FAM184B: variants seen among roughly 807,000 people sequenced by gnomAD.
FAM184B encodes the protein protein FAM184B.
Under a neutral mutation model 135.9 loss-of-function variants are expected in FAM184B, and 111 were observed. The observed-to-expected ratio is 0.82, with a 90% CI of 0.70 to 0.96. The LOEUF (loss-of-function observed/expected upper bound fraction) is 0.96. Ranked by LOEUF, FAM184B falls within the 40% of genes least tolerant of loss-of-function variation. The pLI, the probability that FAM184B is intolerant of heterozygous loss-of-function variation, is 0.00. For synonymous variants in FAM184B, 552 were observed against 524.8 expected (o/e 1.05, Z -0.71); for missense variants, 1,375 against 1,323.9 (o/e 1.04, Z -0.60).
intron 1 of FAM184B, among the ~76,000 whole-genome samples, chr4:17,730,172 A>C (rs921832119): frequency 1.3e-5 from 2 of 152,234 alleles, no homozygotes; most frequent in African/African-American, 4.8e-5. Context: ...TCAGTAATGG[A>C]AGACGAAATG....
intron 5 of FAM184B, among the ~76,000 whole-genome samples, chr4:17,700,344 C>G (rs976420347): frequency 6.6e-6 from 1 of 152,144 alleles, no homozygotes; most frequent in Non-Finnish European, 1.5e-5. Flanking sequence ...CCAAGATACA[C>G]TAACCGTAAA....
chr4:17,762,297 T>C (rs1264885071), intron 1 of FAM184B, among the ~76,000 whole-genome samples: 1 of 152,242 alleles, frequency 6.6e-6, no homozygotes, highest in African/African-American at 2.4e-5. Flanking sequence ...TCAGAAAAGA[T>C]GCTCACAAGA....
At chr4:17,656,567 A>C (rs1715782523) in intron 10 of FAM184B, among the ~76,000 whole-genome samples, 3 of 151,978 alleles carry the variant, frequency 2.0e-5, no homozygotes, top group Admixed American at 2.0e-4. Flanking sequence ...ACACCTGGCT[A>C]ATTTTTGTAT....
chr4:17,641,225 C>T (rs1280917512), intron 13 of FAM184B, among the ~76,000 whole-genome samples: 1 of 152,026 alleles, frequency 6.6e-6, no homozygotes, highest in Non-Finnish European at 1.5e-5. Context: ...TGAGCTACCA[C>T]GCCAGCCGAG....
intron 1 of FAM184B, among the ~76,000 whole-genome samples, chr4:17,744,801 T>A (rs1043954085): frequency 3.3e-5 from 5 of 151,952 alleles, no homozygotes; most frequent in African/African-American, 1.2e-4. Context: ...AGTAAAAAGA[T>A]AATGTCTTTC....
At chr4:17,731,902 A>G (rs1312076078) in intron 1 of FAM184B, among the ~76,000 whole-genome samples, 1 of 152,070 alleles carries the variant, frequency 6.6e-6, no homozygotes, top group Admixed American at 6.6e-5. Flanking sequence ...GCACCACACC[A>G]CACCTATTCC....
At chr4:17,695,764 A>G (rs757733182) in intron 5 of FAM184B, among the ~76,000 whole-genome samples, 41 of 152,178 alleles carry the variant, frequency 2.7e-4, no homozygotes, top group Non-Finnish European at 5.7e-4. Context: ...GCTTGTCTGC[A>G]TGTGTCAAGC....
rs553689303 is a variant in FAM184B at position 17,732,802 on chromosome 4, T to C, written c.142-23158A>G. On this transcript the variant is annotated intron_variant, in intron 1 of 17. Transcript: ENST00000265018. Reference sequence around the variant, plus strand: ...TTCCTTCTGAAACTATTCCAATCAATAGAAAAAGAGGGAATCCTCCCTAAC... The same window carrying C: ...TTCCTTCTGAAACTATTCCAATCAACAGAAAAAGAGGGAATCCTCCCTAAC... Among the ~76,000 whole-genome samples the C allele has an allele frequency of 3.2e-3, 481 of 152,146 alleles. 5 individuals carry two copies. The highest frequency in any genetic ancestry group is 4.4e-3 in the Non-Finnish European group (296 of 67,986).
chr4:17,630,986 C>G lies in FAM184B; in HGVS notation c.*1546G>C, dbSNP rs1332235200. On this transcript the variant is annotated 3_prime_UTR_variant, in exon 18 of 18. Transcript: ENST00000265018. ...GTTTGTGGGCCACCTTCTGGGCCAG[C>G]ACCAAAGACTGAAAAAATATTTTGC... The G allele has an allele frequency of 1.3e-5, 2 of 152,268 alleles. No homozygotes were observed. Among genetic ancestry groups the G allele is most frequent in the Non-Finnish European group, 2.9e-5 (2 of 68,022 alleles). 9.4% of individuals were successfully genotyped at this position (152,268 alleles called of 1,614,324 possible).
Position 17,696,479 on chromosome 4 carries a change from T to C in FAM184B, c.1378-3067A>G, listed in dbSNP as rs555709737. Among the ~76,000 whole-genome samples, 4 of 152,266 alleles carry C rather than the reference T, an allele frequency of 2.6e-5. No homozygotes were observed. In the East Asian group the frequency reaches 5.8e-4, roughly 22 times the overall value. On this transcript the variant is annotated intron_variant, in intron 5 of 17. Transcript: ENST00000265018. ...GGTAAATGTGGAAGCAGGGAGAAAG[T>C]ACTCTTCATCAAGATAAAGAACATG...
chr4:17,702,707 A>T (rs1717015677), intron 5 of FAM184B, among the ~76,000 whole-genome samples: 1 of 152,214 alleles, frequency 6.6e-6, no homozygotes, highest in Non-Finnish European at 1.5e-5. Context: ...TTATTGTGAC[A>T]TGATTCATAT....
intron 1 of FAM184B, among the ~76,000 whole-genome samples, chr4:17,728,461 C>T (rs938620330): frequency 3.3e-5 from 5 of 152,102 alleles, no homozygotes; most frequent in African/African-American, 9.7e-5. Context: ...GAGATCTTTA[C>T]ATTTTGACTG....
intron 5 of FAM184B, among the ~76,000 whole-genome samples, chr4:17,696,855 A>G (rs1384434447): frequency 6.6e-6 from 1 of 151,704 alleles, no homozygotes; most frequent in East Asian, 1.9e-4. Flanking sequence ...TAAATAAATA[A>G]ATAGTAAAAG....
intron 7 of FAM184B, among the ~76,000 whole-genome samples, chr4:17,687,848 C>T (rs1378637822): frequency 6.6e-6 from 1 of 152,196 alleles, no homozygotes; most frequent in East Asian, 1.9e-4. Context: ...CTCTGGCCTC[C>T]AGAACCGTGA....
rs1406693352 is a variant in FAM184B at position 17,641,581 on chromosome 4, C to G, written c.2519+475G>C. Among the ~76,000 whole-genome samples, 3 of 132,404 alleles carry G rather than the reference C, an allele frequency of 2.3e-5. No individual in the cohort carries two copies. In the East Asian group the frequency reaches 7.0e-4, roughly 31 times the overall value. The allele number at this position is 132,404 out of a possible 152,430, so 86.9% of individuals were successfully genotyped here. On this transcript the variant is annotated intron_variant, in intron 13 of 17. Transcript: ENST00000265018. ...GCAACCTGGTCCTCCCGAGTTCACG[C>G]GATTTTCCTGCCTCAGCCTCCCGAA...
chr4:17,750,275 C>A (rs1472063972), intron 1 of FAM184B, among the ~76,000 whole-genome samples: 1 of 152,178 alleles, frequency 6.6e-6, no homozygotes, highest in Non-Finnish European at 1.5e-5. Flanking sequence ...ATTCTTTAAT[C>A]TTTACTGTTG....
intron 1 of FAM184B, among the ~76,000 whole-genome samples, chr4:17,763,429 C>A (rs1718591190): frequency 6.6e-6 from 1 of 152,088 alleles, no homozygotes; most frequent in South Asian, 2.1e-4. Flanking sequence ...CAGGCACATG[C>A]ACCTGTACTC....
At chr4:17,653,251 G>A (rs1006109286) in intron 10 of FAM184B, among the ~76,000 whole-genome samples, 2 of 152,208 alleles carry the variant, frequency 1.3e-5, no homozygotes, top group African/African-American at 2.4e-5. Context: ...ATGTAAATTT[G>A]ACATGAAGAG....
At chr4:17,713,433 A>C in intron 1 of FAM184B, among the ~76,000 whole-genome samples, 1 of 152,214 alleles carries the variant, frequency 6.6e-6, no homozygotes, top group Non-Finnish European at 1.5e-5. Context: ...CACTTCTGTT[A>C]ATTTCCGTGA....
Sources: allele counts gnomAD v4.1 joint callset (sites outside exome capture counted in the v4.1 genomes callset), GRCh38; gene constraint gnomAD v4.1.1; transcripts MANE v1.5; gene names NCBI Gene and HGNC (gene_info 2026-07-23, HGNC 2026-07-21).